Variants in L3MBTL3 observed in about 807,000 individuals in gnomAD.
L3MBTL3 encodes the protein lethal(3)malignant brain tumor-like protein 3.
In L3MBTL3, 27 loss-of-function variants were observed where a neutral mutation model predicts 102.3. The observed-to-expected ratio is 0.26, with a 90% confidence interval of 0.19 to 0.36. The LOEUF (loss-of-function observed/expected upper bound fraction) is 0.36. Ranked by LOEUF, L3MBTL3 falls within the 10% of genes least tolerant of loss-of-function variation. The pLI, the probability that L3MBTL3 is intolerant of heterozygous loss-of-function variation, is 1.00. For synonymous variants in L3MBTL3, 340 were observed against 320.9 expected, an observed-to-expected ratio of 1.06 and a Z score of -0.64; for missense variants, 798 against 955.3, an observed-to-expected ratio of 0.84 and a Z score of 2.17.
At chr6:130,037,393 G>A (rs564529083) in intron 2 of L3MBTL3, among the ~76,000 whole-genome samples, 6 of 152,016 alleles carry the variant, frequency 3.9e-5, no homozygotes, top group Non-Finnish European at 8.8e-5. Context: ...TTATCCACCA[G>A]GGGGAAGATA....
At chr6:130,124,551 T>C (rs1205055020) in intron 20 of L3MBTL3, among the ~76,000 whole-genome samples, 1 of 152,244 alleles carries the variant, frequency 6.6e-6, no homozygotes, top group African/African-American at 2.4e-5. Flanking sequence ...TGATTCAGTC[T>C]TCTTAAATCC....
chr6:130,139,547 A>G, intron 22 of L3MBTL3, 63 bp from the exon 23 acceptor site: 2 of 1,481,552 alleles, frequency 1.3e-6, no homozygotes, highest in Non-Finnish European at 1.9e-6. Flanking sequence ...TTTAACCTTG[A>G]ATATTTTCTA....
At chr6:130,053,981 T>G (rs1404306985) in intron 7 of L3MBTL3, among the ~76,000 whole-genome samples, 2 of 152,234 alleles carry the variant, frequency 1.3e-5, no homozygotes, top group Admixed American at 6.5e-5. Context: ...AAATGTCACC[T>G]AGTGATAAGT....
At chr6:130,086,519 T>C (rs1272337301) in intron 16 of L3MBTL3, among the ~76,000 whole-genome samples, 2 of 152,202 alleles carry the variant, frequency 1.3e-5, no homozygotes, top group Non-Finnish European at 2.9e-5. Flanking sequence ...AAAGTAGTAT[T>C]ATATTCAGAA....
At chr6:130,053,047 TCA>T in intron 7 of L3MBTL3, 56 bp downstream of exon 7, 1 of 1,354,126 alleles carries the variant, frequency 7.4e-7, no homozygotes. Context: ...GTGGGTAGCA[TCA>T]CAGTCACAAG....
At chr6:130,024,960 G>A (rs7740188) in intron 2 of L3MBTL3, among the ~76,000 whole-genome samples, 111,069 of 152,066 alleles carry the variant, frequency 0.73, 40,793 homozygotes, top group East Asian at 0.93. Flanking sequence ...CAATACACAT[G>A]GCACAATATA....
chr6:130,060,017 C>T lies in L3MBTL3; in HGVS notation c.760-19C>T, dbSNP rs911843506. 4 of 1,455,640 alleles carry T rather than the reference C, an allele frequency of 2.7e-6. No individual in the cohort carries two copies. Among genetic ancestry groups the T allele is most frequent in the Non-Finnish European group, 3.9e-6 (4 of 1,036,270 alleles). The allele number at this position is 1,455,640 out of a possible 1,614,324, so 90.2% of individuals were successfully genotyped here. A position where few individuals can be genotyped will look rare whatever the true frequency, so the allele number is the denominator to read the frequency against. On this transcript the variant is annotated intron_variant, in intron 9 of 22. Coordinates refer to ENST00000361794, the MANE Select transcript of L3MBTL3 (RefSeq NM_032438.4). The stretch of plus-strand genomic sequence containing the variant: ...GCTTTGGGATAAGGGACTAAAACTG[C>T]TCTCATTTTGCATTTTAGCATCAAT...
At position 130,057,737 on chromosome 6, in the gene L3MBTL3, T is replaced by C. The variant is rs375070898; in HGVS notation, c.759+240T>C. ...TGTGCTCTTCTCTCTCAGCATCTTA[T>C]GGGCTTGCTATCATGAATTTTAACA... On this transcript the variant is annotated intron_variant, in intron 9 of 22. Transcript: ENST00000361794. Among the ~76,000 whole-genome samples, 206 of 152,326 alleles carry C rather than the reference T, an allele frequency of 1.4e-3. 1 individual carries two copies. The highest frequency in any genetic ancestry group is 4.8e-3 in the African/African-American group (198 of 41,576).
chr6:130,049,799 C>T lies in L3MBTL3; in HGVS notation c.258C>T (p.Ala86=), dbSNP rs148344476. The T allele has an allele frequency of 3.0e-4, 485 of 1,613,838 alleles. No individual in the cohort carries two copies. Among genetic ancestry groups the T allele is most frequent in the Non-Finnish European group, 3.9e-4 (457 of 1,179,942 alleles). Residue 86 remains alanine, a synonymous_variant, in exon 5 of 23, where the codon GCC becomes GCT. Coordinates refer to ENST00000361794, the MANE Select transcript of L3MBTL3 (RefSeq NM_032438.4). ...PPSSRPVFPP[A]YWTSPPGCPT... ...GCTCCAGGCCCGTATTTCCACCTGC[C>T]TACTGGACATCTCCACCTGGATGTC...
Position 130,094,304 on chromosome 6 carries a change from G to C in L3MBTL3, c.1673G>C (p.Cys558Ser). The stretch of plus-strand genomic sequence containing the variant: ...ATGGAAGCTTCAGAACATGGTGGAT[G>C]CTCAACCCCGGGATGTAAAGGGATT... ...ELMEASEHGG[C>S]STPGCKGIGH... Residue 558 changes from cysteine to serine, a missense_variant, in exon 18 of 23, where the codon TGC becomes TCC. Physicochemically the swap from Cys to Ser is moderately radical, Grantham distance 112 (BLOSUM62 -1). Transcript: ENST00000361794. 1 of 1,613,836 alleles carries C rather than the reference G, an allele frequency of 6.2e-7. No homozygotes were observed.
At chr6:130,070,566 A>T (rs1464120964) in intron 12 of L3MBTL3, among the ~76,000 whole-genome samples, 1 of 152,170 alleles carries the variant, frequency 6.6e-6, no homozygotes, top group Non-Finnish European at 1.5e-5. Flanking sequence ...AACTTGATTA[A>T]GTGCATATTT....
intron 22 of L3MBTL3, 77 bp from the exon 23 acceptor site, chr6:130,139,533 G>T: frequency 7.4e-7 from 1 of 1,345,174 alleles, no homozygotes. Flanking sequence ...AAGACAGCTG[G>T]TAATTTAACC....
At chr6:130,056,819 T>C (rs1781540226) in intron 8 of L3MBTL3, among the ~76,000 whole-genome samples, 1 of 152,168 alleles carries the variant, frequency 6.6e-6, no homozygotes. Flanking sequence ...CCTGTTCCAG[T>C]CTCATCCCCA....
chr6:130,119,316 G>C (rs1169617133), intron 19 of L3MBTL3, among the ~76,000 whole-genome samples: 1 of 152,022 alleles, frequency 6.6e-6, no homozygotes, highest in Non-Finnish European at 1.5e-5. Context: ...ACTATTTGTT[G>C]ACCACAATAC....
At chr6:130,098,945 A>G (rs1420724132) in intron 18 of L3MBTL3, among the ~76,000 whole-genome samples, 3 of 146,930 alleles carry the variant, frequency 2.0e-5, no homozygotes, top group African/African-American at 7.6e-5. Flanking sequence ...AAAACTGGAG[A>G]TGTTGCCTAA....
intron 2 of L3MBTL3, among the ~76,000 whole-genome samples, chr6:130,024,407 C>G (rs1779203121): frequency 6.6e-6 from 1 of 152,130 alleles, no homozygotes. Context: ...ACTTCATCTC[C>G]ACTCTTTGGA....
At chr6:130,105,297 C>T (rs940368965) in intron 19 of L3MBTL3, among the ~76,000 whole-genome samples, 7 of 152,012 alleles carry the variant, frequency 4.6e-5, no homozygotes, top group East Asian at 3.8e-4. Flanking sequence ...CTGGATGAAC[C>T]TAGTGGGCAT....
intron 3 of L3MBTL3, among the ~76,000 whole-genome samples, chr6:130,045,078 C>A (rs1780644904): frequency 6.6e-6 from 1 of 152,128 alleles, no homozygotes; most frequent in Admixed American, 6.6e-5. Context: ...AATAACTTTT[C>A]CTGTAAAATC....
At chr6:130,094,650 T>C (rs1043105175) in intron 18 of L3MBTL3, among the ~76,000 whole-genome samples, 2 of 152,106 alleles carry the variant, frequency 1.3e-5, no homozygotes, top group African/African-American at 4.8e-5. Flanking sequence ...GTAGTTATTT[T>C]GCATTGATCA....
Sources: allele counts gnomAD v4.1 joint callset (sites outside exome capture counted in the v4.1 genomes callset), GRCh38; gene constraint gnomAD v4.1.1; transcripts MANE v1.5; gene names NCBI Gene and HGNC (gene_info 2026-07-23, HGNC 2026-07-21).